SLC24A4: variants seen among roughly 807,000 people sequenced by gnomAD.
The protein encoded by SLC24A4 is sodium/potassium/calcium exchanger 4.
In SLC24A4, 53 loss-of-function variants were observed where a neutral mutation model predicts 79.0. The ratio of observed to expected loss-of-function variants is 0.67; its 90% confidence interval spans 0.54 to 0.84. The LOEUF is 0.84. Ranked by LOEUF, SLC24A4 falls within the 40% of genes least tolerant of loss-of-function variation. The pLI is 0.00. For missense variants in SLC24A4, 731 were observed against 822.0 expected, an observed-to-expected ratio of 0.89 and a Z score of 1.35; for synonymous variants, 323 against 323.8, an observed-to-expected ratio of 1.00 and a Z score of 0.03.
chr14:92,395,162 A>G (rs1368015934), intron 2 of SLC24A4, among the ~76,000 whole-genome samples: 3 of 152,188 alleles, frequency 2.0e-5, no homozygotes, highest in Non-Finnish European at 2.9e-5. Flanking sequence ...GTGGTAAGTC[A>G]GCCTGGGACC....
chr14:92,491,627 C>G (rs2139946535), intron 14 of SLC24A4, 38 bp from the exon 15 acceptor site: 2 of 1,398,910 alleles, frequency 1.4e-6, no homozygotes, highest in Middle Eastern at 3.6e-4. Context: ...TTCTGGTGAC[C>G]TGCTCTTATA....
At chr14:92,416,366 G>T (rs1168952361) in intron 2 of SLC24A4, among the ~76,000 whole-genome samples, 4 of 152,190 alleles carry the variant, frequency 2.6e-5, no homozygotes, top group African/African-American at 9.7e-5. Context: ...AATTGAGCTG[G>T]TGGCACCAAA....
At chr14:92,415,342 C>T (rs1421619236) in intron 2 of SLC24A4, among the ~76,000 whole-genome samples, 4 of 152,226 alleles carry the variant, frequency 2.6e-5, no homozygotes, top group African/African-American at 9.6e-5. Context: ...GACCTCTTGC[C>T]TTTGGTCCTG....
At chr14:92,467,200 G>T (rs972579018) in intron 12 of SLC24A4, among the ~76,000 whole-genome samples, 2 of 152,196 alleles carry the variant, frequency 1.3e-5, no homozygotes, top group African/African-American at 4.8e-5. Flanking sequence ...TTATAAAATG[G>T]AGTTCACCAA....
At chr14:92,372,611 A>G (rs1888232002) in intron 2 of SLC24A4, among the ~76,000 whole-genome samples, 1 of 152,132 alleles carries the variant, frequency 6.6e-6, no homozygotes, top group Admixed American at 6.5e-5. Flanking sequence ...CTGGGATGGA[A>G]CAGCATCACA....
chr14:92,351,870 A>C (rs982381764), intron 2 of SLC24A4, among the ~76,000 whole-genome samples: 10 of 150,922 alleles, frequency 6.6e-5, no homozygotes, highest in Non-Finnish European at 1.3e-4. Context: ...TCTAAAAAAG[A>C]AAGAAAAAAG....
intron 2 of SLC24A4, among the ~76,000 whole-genome samples, chr14:92,380,912 G>A (rs1442570258): frequency 6.6e-6 from 1 of 152,166 alleles, no homozygotes; most frequent in Non-Finnish European, 1.5e-5. Flanking sequence ...GGCATCTTGT[G>A]TAGAAGGGAA....
chr14:92,396,196 C>T (rs1190516509), intron 2 of SLC24A4, among the ~76,000 whole-genome samples: 3 of 152,310 alleles, frequency 2.0e-5, no homozygotes, highest in Non-Finnish European at 2.9e-5. Context: ...AGCTGCATTG[C>T]CAGTCTAGTT....
intron 2 of SLC24A4, among the ~76,000 whole-genome samples, chr14:92,328,310 C>T (rs142399193): frequency 6.6e-6 from 1 of 152,362 alleles, no homozygotes; most frequent in African/African-American, 2.4e-5. Flanking sequence ...ATGCAAGCCG[C>T]TGTCATTGAG....
rs1895808343 is a variant in SLC24A4 at position 92,493,429 on chromosome 14, G to A, written c.1717-47G>A. 4 of 1,606,202 alleles carry A rather than the reference G, an allele frequency of 2.5e-6. No homozygotes were observed. The Middle Eastern group carries it at 5.4e-4, about 218-fold the overall frequency. On this transcript the variant is annotated intron_variant, in intron 16 of 16. Coordinates refer to ENST00000532405, the MANE Select transcript of SLC24A4 (RefSeq NM_153646.4). ...TCGCTTTCCAGTAGAAATGCCTCTT[G>A]TATTTCTTTGCCCTGCAAGCCCAGT... is the stretch of plus-strand genomic sequence containing the variant.
chr14:92,443,535 C>G, intron 7 of SLC24A4, 61 bp downstream of exon 7: 1 of 1,531,344 alleles, frequency 6.5e-7, no homozygotes, highest in East Asian at 2.3e-5. Context: ...GCACAGGACC[C>G]CTGCCCATCT....
intron 2 of SLC24A4, among the ~76,000 whole-genome samples, chr14:92,352,310 G>A (rs893575279): frequency 6.6e-6 from 1 of 152,226 alleles, no homozygotes; most frequent in Non-Finnish European, 1.5e-5. Flanking sequence ...AGCTACCTAA[G>A]CAGAGAGAGA....
chr14:92,468,792 A>G (rs1894262494), intron 12 of SLC24A4, among the ~76,000 whole-genome samples: 2 of 152,246 alleles, frequency 1.3e-5, no homozygotes, highest in East Asian at 3.8e-4. Context: ...CTAAAAATAT[A>G]AAACTCTTAG....
chr14:92,430,196 A>C (rs1891786398), intron 2 of SLC24A4, among the ~76,000 whole-genome samples: 1 of 152,204 alleles, frequency 6.6e-6, no homozygotes, highest in African/African-American at 2.4e-5. Flanking sequence ...TGAGAGGAAG[A>C]GCTGCCATAT....
intron 8 of SLC24A4, among the ~76,000 whole-genome samples, chr14:92,445,570 T>C (rs1390399069): frequency 5.3e-5 from 8 of 152,212 alleles, no homozygotes; most frequent in Admixed American, 5.2e-4. Context: ...TCAGGATATA[T>C]TATAAAGCAA....
chr14:92,492,313 G>C (rs527988093), intron 16 of SLC24A4, 73 bp downstream of exon 16: 1 of 1,432,346 alleles, frequency 7.0e-7, no homozygotes, highest in Non-Finnish European at 9.8e-7. Flanking sequence ...CGTCACTTAC[G>C]TGACTCTGTA....
chr14:92,439,219 G>A (rs1216674090), intron 3 of SLC24A4, 116 bp from the exon 4 acceptor site: 23 of 787,264 alleles, frequency 2.9e-5, no homozygotes, highest in Non-Finnish European at 4.2e-5. Context: ...TTTCCTGTGT[G>A]CCCCGCTCTG....
intron 13 of SLC24A4, chr14:92,485,028 G>A: frequency 2.5e-6 from 1 of 401,164 alleles, no homozygotes. Flanking sequence ...AGCATGGTTG[G>A]TTGCTCATGA....
intron 12 of SLC24A4, among the ~76,000 whole-genome samples, chr14:92,480,639 A>G (rs1388210305): frequency 6.6e-6 from 1 of 152,044 alleles, no homozygotes; most frequent in African/African-American, 2.4e-5. Flanking sequence ...ATTCCTAAGT[A>G]CTGTTTTCAC....
Sources: gnomAD v4.1 joint callset for allele counts (sites outside exome capture counted in the v4.1 genomes callset) on GRCh38, gnomAD v4.1.1 for gene constraint, MANE v1.5 for transcripts, NCBI Gene and HGNC (gene_info 2026-07-23, HGNC 2026-07-21) for gene names.